Variants in ADGRF3 observed in about 807,000 individuals in gnomAD.
The protein encoded by ADGRF3 is adhesion G protein-coupled receptor F3.
A neutral mutation model predicts 93.2 loss-of-function variants in ADGRF3; 85 were observed. That is an observed-to-expected ratio of 0.91 (90% CI 0.77 to 1.09). ADGRF3 has a LOEUF of 1.09. Among genes scored for constraint, ADGRF3 ranks in the 50% least tolerant of loss-of-function variants. ADGRF3 has a pLI of 0.00. For missense variants in ADGRF3, 1,125 were observed against 1,246.2 expected (o/e 0.90, Z 1.46); for synonymous variants, 534 against 532.5 (o/e 1.00, Z -0.04).
chr2:26,315,461 A>G, intron 5 of ADGRF3, 61 bp downstream of exon 5: 2 of 1,501,952 alleles, frequency 1.3e-6, no homozygotes, highest in Non-Finnish European at 1.8e-6. Context: ...GAGAAGGAAG[A>G]CGAGGATGAA....
chr2:26,321,072 T>C lies in ADGRF3; in HGVS notation c.115-3510A>G, dbSNP rs193222887. 5.3e-5 allele frequency among the ~76,000 whole-genome samples: 8 copies of C among 152,150 alleles called. No homozygotes were observed. The East Asian group carries it at 1.5e-3, about 29-fold the overall frequency. On this transcript the variant is annotated intron_variant, in intron 1 of 13. Coordinates refer to ENST00000651242, the MANE Select transcript of ADGRF3 (RefSeq NM_001321971.2). ...TTCTAATCATAGACTTTTTTTTTAATCAAAAAAAGTTGATTTAAACACACA... is the reference window on the plus strand; with the variant it reads ...TTCTAATCATAGACTTTTTTTTTAACCAAAAAAAGTTGATTTAAACACACA...
At position 26,344,658 on chromosome 2, in the gene ADGRF3, C is replaced by T. The variant is rs1676594956; in HGVS notation, c.114+1463G>A. On this transcript the variant is annotated intron_variant, in intron 1 of 13. Transcript: ENST00000651242. ...ACTGAAGTTTATTGGTTGGCGGGCGCCCATTCTTCAAAAAATGCAAAAAAT... is the reference window on the plus strand; with the variant it reads ...ACTGAAGTTTATTGGTTGGCGGGCGTCCATTCTTCAAAAAATGCAAAAAAT... Among the ~76,000 whole-genome samples the T allele has an allele frequency of 2.0e-5, 3 of 152,152 alleles. No homozygotes were observed. The South Asian group carries it at 6.2e-4, about 32-fold the overall frequency.
intron 1 of ADGRF3, chr2:26,318,151 C>A: frequency 7.1e-7 from 1 of 1,412,002 alleles, no homozygotes; most frequent in Non-Finnish European, 9.5e-7. Context: ...ATGGAGCTGG[C>A]CCAAGGAGAG....
intron 6 of ADGRF3, 60 bp from the exon 7 acceptor site, chr2:26,313,963 A>G: frequency 6.3e-7 from 1 of 1,592,706 alleles, no homozygotes; most frequent in South Asian, 1.1e-5. Context: ...GGAACCCAGC[A>G]GGCTCTGACA....
At position 26,317,510 on chromosome 2, in the gene ADGRF3, T is replaced by C; in HGVS notation, c.167A>G (p.Glu56Gly). Residue 56 changes from glutamate to glycine, a missense_variant, in exon 2 of 14, where the codon GAG (glutamate) becomes GGG (glycine). Physicochemically the swap from Glu to Gly is moderately conservative, Grantham distance 98. Transcript: ENST00000651242. The stretch of plus-strand genomic sequence containing the variant: ...CATACACTCACCCCCTGCTCCATTC[T>C]CTTGGTCCAGGAGCTGCCCAGATCC... ...ESGSGQLLDQ[E>G]NGAGESALVS... The C allele has an allele frequency of 1.9e-6, 3 of 1,591,636 alleles. No individual in the cohort carries two copies.
chr2:26,314,317 G>A (rs980530899), intron 6 of ADGRF3, 97 bp downstream of exon 6: 7 of 1,148,236 alleles, frequency 6.1e-6, no homozygotes, highest in Non-Finnish European at 7.4e-6. Context: ...TGGTTGAACT[G>A]TGGCCTCTGT....
At chr2:26,319,729 C>A (rs1024143559) in intron 1 of ADGRF3, among the ~76,000 whole-genome samples, 3 of 149,852 alleles carry the variant, frequency 2.0e-5, no homozygotes, top group Non-Finnish European at 4.4e-5. Flanking sequence ...CTTTTTCTTT[C>A]TTTTAGAAAC....
At chr2:26,317,414 C>T in intron 2 of ADGRF3, 82 bp downstream of exon 2, 1 of 1,373,588 alleles carries the variant, frequency 7.3e-7, no homozygotes, top group Non-Finnish European at 1.0e-6. Context: ...CACCTGCCCT[C>T]TCTTTTCTGG....
At chr2:26,344,834 G>A (rs1676608998) in intron 1 of ADGRF3, among the ~76,000 whole-genome samples, 2 of 152,196 alleles carry the variant, frequency 1.3e-5, no homozygotes, top group South Asian at 4.2e-4. Flanking sequence ...CTCAGGGGGC[G>A]GGGAGAAGCT....
rs1282169701 is a variant in ADGRF3 at position 26,309,672 on chromosome 2, A to G, written c.2938-91T>C. ...GGTTGTATCTGTTTTACTTTCTCAC[A>G]TGCACTCCTGCCTGTGCTGCAGGAA... On this transcript the variant is annotated intron_variant, in intron 12 of 13. Coordinates refer to ENST00000651242, the MANE Select transcript of ADGRF3 (RefSeq NM_001321971.2). The G allele has an allele frequency of 8.7e-6, 13 of 1,500,298 alleles. No homozygotes were observed. In the East Asian group the frequency reaches 2.6e-4, roughly 30 times the overall value. The allele number at this position is 1,500,298 out of a possible 1,614,324, so 92.9% of individuals were successfully genotyped here. A position where few individuals can be genotyped will look rare whatever the true frequency, so the allele number is the denominator to read the frequency against.
Position 26,308,962 on chromosome 2 carries a change from C to T in ADGRF3, c.*124G>A, listed in dbSNP as rs1673783789. 7.7e-7 allele frequency: 1 copy of T among 1,290,860 alleles called. No individual in the cohort carries two copies. The highest frequency in any genetic ancestry group is 1.8e-5 in the Admixed American group (1 of 57,120). The allele number at this position is 1,290,860 out of a possible 1,614,324, so 80.0% of individuals were successfully genotyped here. A position where few individuals can be genotyped will look rare whatever the true frequency, so the allele number is the denominator to read the frequency against. ...GAGTGTCACTAAGGGAAATATAAGC[C>T]TGCCTTTCTCAAGGGCTGAGCTCCG... On this transcript the variant is annotated 3_prime_UTR_variant, in exon 14 of 14. Transcript: ENST00000651242.
At chr2:26,310,627 A>C in intron 10 of ADGRF3, 65 bp downstream of exon 10, 23 of 1,489,950 alleles carry the variant, frequency 1.5e-5, no homozygotes, top group Non-Finnish European at 1.9e-5. Context: ...CTCCTAGAGA[A>C]GAGATCGGCA....
At position 26,311,214 on chromosome 2, in the gene ADGRF3, G is replaced by C. The variant is rs543424547; in HGVS notation, c.2310C>G (p.Ser770Arg). Residue 770 changes from serine to arginine, a missense_variant, in exon 10 of 14, where the codon AGC becomes AGG. Physicochemically the swap from Ser to Arg is moderately radical, Grantham distance 110. Transcript: ENST00000651242. ...GAPFLSPGPRSPLCLAAAFLC... is the reference protein window; with the variant it reads ...GAPFLSPGPRRPLCLAAAFLC... ...GGAAGGCGGCAGCAAGGCAGAGCGGGCTTCGGGGCCCTGGAGAGAGGAATG... is the reference window on the plus strand; with the variant it reads ...GGAAGGCGGCAGCAAGGCAGAGCGGCCTTCGGGGCCCTGGAGAGAGGAATG... 52 of 1,603,906 alleles carry C rather than the reference G, an allele frequency of 3.2e-5. 2 individuals carry two copies. The South Asian group carries it at 4.8e-4, about 15-fold the overall frequency.
At chr2:26,315,171 A>G (rs1474145532) in intron 5 of ADGRF3, among the ~76,000 whole-genome samples, 2 of 152,144 alleles carry the variant, frequency 1.3e-5, no homozygotes, top group Admixed American at 1.3e-4. Context: ...TCTACACCTG[A>G]GGGAGTGGGA....
intron 1 of ADGRF3, among the ~76,000 whole-genome samples, chr2:26,331,907 T>C (rs1675790284): frequency 6.6e-6 from 1 of 152,192 alleles, no homozygotes; most frequent in African/African-American, 2.4e-5. Context: ...TAAGTTTAAA[T>C]CTGTTGTCTA....
rs1674423159 is a variant in ADGRF3 at position 26,313,875 on chromosome 2, C to T, written c.957G>A (p.Gln319=). 1 of 1,613,914 alleles carries T rather than the reference C, an allele frequency of 6.2e-7. No individual in the cohort carries two copies. Among genetic ancestry groups the T allele is most frequent in the Admixed American group, 1.7e-5 (1 of 60,010 alleles). The change falls in exon 7 of 14, where the codon CAG becomes CAA. Residue 319 remains glutamine (Q), a synonymous_variant. Transcript: ENST00000651242. ...AGCGCTGAACAGCCAGCACAAAGCACTGAGAGCCTGACTCGTTGAAGGAGG... is the reference window on the plus strand; with the variant it reads ...AGCGCTGAACAGCCAGCACAAAGCATTGAGAGCCTGACTCGTTGAAGGAGG... ...KASSFNESGS[Q]CFVLAVQRCP...
In ADGRF3 at chr2:26,313,378, T is replaced by A; in HGVS notation, c.1268A>T (p.Lys423Met). ...ARLLALFTRT[K>M]LLQAGQGSPA... Reference sequence around the variant, plus strand: ...TGGGCAGCAGGGTGGAAGCTTCACCTTGGTTCTAGTGAACAAGGCCAGGAG... The same window carrying A: ...TGGGCAGCAGGGTGGAAGCTTCACCATGGTTCTAGTGAACAAGGCCAGGAG... The change falls in exon 8 of 14, where the codon AAG becomes ATG. Residue 423 changes from lysine to methionine, a missense_variant and splice_region_variant. Coordinates refer to ENST00000651242, the MANE Select transcript of ADGRF3 (RefSeq NM_001321971.2). 6.3e-7 allele frequency: 1 copy of A among 1,584,710 alleles called. No homozygotes were observed. The highest frequency in any genetic ancestry group is 8.6e-7 in the Non-Finnish European group (1 of 1,165,776).
At chr2:26,315,883 G>T in intron 4 of ADGRF3, 143 bp from the exon 5 acceptor site, 1 of 1,268,848 alleles carries the variant, frequency 7.9e-7, no homozygotes, top group Non-Finnish European at 1.1e-6. Flanking sequence ...TTTTGTCCCT[G>T]GGTGGGCACC....
chr2:26,319,144 G>A (rs1674955251), intron 1 of ADGRF3: 2 of 1,311,420 alleles, frequency 1.5e-6, no homozygotes, highest in Admixed American at 2.3e-5. Context: ...GGGAAGAGGG[G>A]AGGGAGCCAG....
Sources: allele counts gnomAD v4.1 joint callset (sites outside exome capture counted in the v4.1 genomes callset), GRCh38; gene constraint gnomAD v4.1.1; transcripts MANE v1.5; gene names NCBI Gene and HGNC (gene_info 2026-07-23, HGNC 2026-07-21).